Variants in FNDC1 observed in about 807,000 individuals in gnomAD.
The protein encoded by FNDC1 is fibronectin type III domain-containing protein 1.
In FNDC1, 96 loss-of-function variants were observed where a neutral mutation model predicts 168.0. That is an observed-to-expected ratio of 0.57 (90% confidence interval 0.48 to 0.68). The LOEUF is 0.68. FNDC1 is among the 30% of genes least tolerant of loss of function. The pLI is 0.00. For missense variants in FNDC1, 2,587 were observed against 2,482.1 expected, an observed-to-expected ratio of 1.04 and a Z score of -0.90; for synonymous variants, 1,099 against 1,025.9, an observed-to-expected ratio of 1.07 and a Z score of -1.36.
intron 14 of FNDC1, among the ~76,000 whole-genome samples, chr6:159,246,544 G>T (rs890707600): frequency 5.3e-5 from 8 of 152,250 alleles, no homozygotes; most frequent in African/African-American, 1.9e-4. Flanking sequence ...GGGGCCAGGG[G>T]CCTTCCCTCA....
intron 17 of FNDC1, among the ~76,000 whole-genome samples, chr6:159,251,963 C>G (rs920907858): frequency 6.6e-6 from 1 of 152,136 alleles, no homozygotes; most frequent in African/African-American, 2.4e-5. Context: ...CACATTTGTC[C>G]CTTTTTGGAG....
At chr6:159,261,392 C>G in intron 19 of FNDC1, 123 bp downstream of exon 19, 1 of 659,188 alleles carries the variant, frequency 1.5e-6, no homozygotes, top group Non-Finnish European at 2.5e-6. Flanking sequence ...TGTTGGATAT[C>G]AGTTTCTAAA....
At chr6:159,180,002 G>A (rs1781846226) in intron 1 of FNDC1, among the ~76,000 whole-genome samples, 1 of 152,184 alleles carries the variant, frequency 6.6e-6, no homozygotes, top group Non-Finnish European at 1.5e-5. Flanking sequence ...ATTTTCAGTT[G>A]GAGAGAAGAA....
At chr6:159,258,517 GT>G (rs1696151575) in intron 18 of FNDC1, among the ~76,000 whole-genome samples, 1 of 152,216 alleles carries the variant, frequency 6.6e-6, no homozygotes. Context: ...AAAGAAGTGT[GT>G]GTCCTAGGAA....
rs575892386 is a variant in FNDC1 at position 159,236,886 on chromosome 6, T to A, written c.4068+571T>A. ...TGTATGTCTAAACAGCTTTAATTGC[T>A]TGGGGTTAAGATAAATGTTTAGGAG... On this transcript the variant is annotated intron_variant, in intron 12 of 22. Coordinates refer to ENST00000297267, the MANE Select transcript of FNDC1 (RefSeq NM_032532.3). Among the ~76,000 whole-genome samples, 145 of 152,326 alleles carry A rather than the reference T, an allele frequency of 9.5e-4. 2 individuals carry two copies. Among genetic ancestry groups the A allele is most frequent in the African/African-American group, 3.3e-3 (139 of 41,578 alleles).
chr6:159,177,383 A>G (rs1329643311), intron 1 of FNDC1, among the ~76,000 whole-genome samples: 1 of 151,972 alleles, frequency 6.6e-6, no homozygotes, highest in Non-Finnish European at 1.5e-5. Flanking sequence ...ATGTCTCCTA[A>G]TTTTTCATGA....
At chr6:159,269,597 G>GTCCATCTA (rs1554229990) in intron 22 of FNDC1, among the ~76,000 whole-genome samples, 2 of 123,872 alleles carry the variant, frequency 1.6e-5, no homozygotes, top group African/African-American at 3.5e-5. Flanking sequence ...CTGTCTGTCT[G>GTCCATCTA]TCTATCTATC....
intron 12 of FNDC1, among the ~76,000 whole-genome samples, chr6:159,237,999 T>C (rs1053749843): frequency 6.6e-6 from 1 of 152,208 alleles, no homozygotes; most frequent in Non-Finnish European, 1.5e-5. Context: ...TACTTAATGG[T>C]AAAAATATTT....
chr6:159,221,010 A>T (rs1782811619), intron 5 of FNDC1, among the ~76,000 whole-genome samples: 1 of 152,242 alleles, frequency 6.6e-6, no homozygotes. Context: ...TGAAAGAACC[A>T]TCCAGAAATA....
intron 5 of FNDC1, 123 bp from the exon 6 acceptor site, chr6:159,221,475 A>G: frequency 1.3e-6 from 1 of 746,028 alleles, no homozygotes; most frequent in Non-Finnish European, 2.3e-6. Flanking sequence ...GAATACCCCC[A>G]GAAAGAGGAA....
chr6:159,215,262 G>T, intron 5 of FNDC1, 111 bp downstream of exon 5: 1 of 919,846 alleles, frequency 1.1e-6, no homozygotes, highest in Non-Finnish European at 1.7e-6. Context: ...ATGTCCACTT[G>T]CCAGATGTTA....
intron 13 of FNDC1, among the ~76,000 whole-genome samples, 152 bp downstream of exon 13, chr6:159,238,817 C>G (rs568520929): frequency 1.3e-3 from 202 of 152,334 alleles, no homozygotes; most frequent in African/African-American, 4.6e-3. Flanking sequence ...AGAGGCAGAA[C>G]TTGGTGTTTC....
At chr6:159,236,688 T>C (rs1039924929) in intron 12 of FNDC1, among the ~76,000 whole-genome samples, 2 of 152,244 alleles carry the variant, frequency 1.3e-5, no homozygotes, top group African/African-American at 4.8e-5. Context: ...GTTTTGTTTA[T>C]TGTTTGATTA....
rs544118010 is a variant in FNDC1 at position 159,221,672 on chromosome 6, G to T, written c.742G>T (p.Ala248Ser). The T allele has an allele frequency of 9.6e-5, 155 of 1,613,974 alleles. 4 individuals are homozygous for T. In the South Asian group the frequency reaches 1.5e-3, roughly 16 times the overall value. ...CCGGAGCCAACCAGTCTACAGGGCT[G>T]CCCTAACAAAGCGAAAGATTTCAGG... The part of the protein sequence containing the change: ...QGRSQPVYRA[A>S]LTKRKISEED... Residue 248 changes from alanine (A) to serine (S), a missense_variant, in exon 6 of 23, where the codon GCC becomes TCC. Coordinates refer to ENST00000297267, the MANE Select transcript of FNDC1 (RefSeq NM_032532.3).
Position 159,200,669 on chromosome 6 carries a change from C to T in FNDC1, c.460+88C>T, listed in dbSNP as rs1391759417. 2.3e-5 allele frequency: 23 copies of T among 992,088 alleles called. No homozygotes were observed. The African/African-American group carries it at 3.2e-4, about 14-fold the overall frequency. The allele number at this position is 992,088 out of a possible 1,614,324, so 61.5% of individuals were successfully genotyped here. On this transcript the variant is annotated intron_variant, in intron 4 of 22. Transcript: ENST00000297267. ...TGTGCTTCCGTCACACACATGTGCT[C>T]ACAAACCTTCACTGAGTTCCCATCG... is the stretch of plus-strand genomic sequence containing the variant.
intron 13 of FNDC1, 71 bp from the exon 14 acceptor site, chr6:159,239,427 ATAAGCTTTGAGAAGACACT>A: frequency 8.6e-7 from 1 of 1,161,664 alleles, no homozygotes; most frequent in Non-Finnish European, 1.2e-6. Flanking sequence ...ATGATAATAC[ATAAGCTTTGAGAAGACACT>A]TATTGCTTGC....
At chr6:159,183,093 CAT>C (rs1020749234) in intron 1 of FNDC1, among the ~76,000 whole-genome samples, 2 of 152,156 alleles carry the variant, frequency 1.3e-5, no homozygotes, top group Non-Finnish European at 2.9e-5. Flanking sequence ...TGTTATCTCA[CAT>C]GTGTGGAGTG....
intron 1 of FNDC1, among the ~76,000 whole-genome samples, chr6:159,177,347 A>G (rs1044616424): frequency 1.1e-4 from 16 of 152,212 alleles, no homozygotes; most frequent in Non-Finnish European, 1.9e-4. Flanking sequence ...GCATTTTAAT[A>G]AAGTACCTGA....
At chr6:159,215,241 T>G in intron 5 of FNDC1, 90 bp downstream of exon 5, 1 of 1,200,156 alleles carries the variant, frequency 8.3e-7, no homozygotes, top group Non-Finnish European at 1.2e-6. Flanking sequence ...GAGCATTATA[T>G]TTTAGTTGTA....
Sources: gnomAD v4.1 joint callset for allele counts (sites outside exome capture counted in the v4.1 genomes callset) on GRCh38, gnomAD v4.1.1 for gene constraint, MANE v1.5 for transcripts, NCBI Gene and HGNC (gene_info 2026-07-23, HGNC 2026-07-21) for gene names.